ARAP2: variants seen among roughly 807,000 people sequenced by gnomAD.
The protein encoded by ARAP2 is ArfGAP with RhoGAP domain, ankyrin repeat and PH domain 2, also known as arf-GAP with Rho-GAP domain, ANK repeat and PH domain-containing protein 2.
Under a neutral mutation model 194.5 loss-of-function variants are expected in ARAP2, and 148 were observed. The ratio of observed to expected loss-of-function variants is 0.76; its 90% CI spans 0.67 to 0.87. The LOEUF (loss-of-function observed/expected upper bound fraction) is 0.87. Among genes scored for constraint, ARAP2 ranks in the 40% least tolerant of loss-of-function variants. The pLI, the probability that ARAP2 is intolerant of heterozygous loss-of-function variation, is 0.00. For synonymous variants in ARAP2, 695 were observed against 683.5 expected (o/e 1.02, Z -0.26); for missense variants, 2,128 against 1,989.7 (o/e 1.07, Z -1.32).
At chr4:36,220,218 T>C (rs1748841808) in intron 2 of ARAP2, among the ~76,000 whole-genome samples, 2 of 151,510 alleles carry the variant, frequency 1.3e-5, no homozygotes, top group Non-Finnish European at 2.9e-5. Context: ...GATTTTTACA[T>C]ATAGGCACAC....
downstream of ARAP2, among the ~76,000 whole-genome samples, chr4:36,062,356 G>C (rs1724583672): frequency 6.6e-6 from 1 of 152,104 alleles, no homozygotes; most frequent in Non-Finnish European, 1.5e-5. Context: ...TTAAAACCAG[G>C]TACTGTGAGT....
chr4:36,056,148 T>C (rs1206837585), intron 2 of ARAP2, among the ~76,000 whole-genome samples: 1 of 152,226 alleles, frequency 6.6e-6, no homozygotes, highest in Non-Finnish European at 1.5e-5. Context: ...ATTTTCAATA[T>C]AAAACTATAA....
chr4:36,169,852 G>T (rs1295133119), intron 9 of ARAP2, among the ~76,000 whole-genome samples: 1 of 152,242 alleles, frequency 6.6e-6, no homozygotes, highest in East Asian at 1.9e-4. Context: ...GCTTGCCATG[G>T]CCATATGGTT....
intron 5 of ARAP2, among the ~76,000 whole-genome samples, chr4:36,035,135 A>G (rs1339909994): frequency 6.6e-6 from 1 of 151,758 alleles, no homozygotes; most frequent in East Asian, 1.9e-4. Flanking sequence ...TTCTTTTTTT[A>G]ATAATAGTTT....
At chr4:36,127,174 C>A (rs532236441) in intron 21 of ARAP2, among the ~76,000 whole-genome samples, 102 of 152,098 alleles carry the variant, frequency 6.7e-4, no homozygotes, top group African/African-American at 2.4e-3. Context: ...ATAATAAAGA[C>A]AAATTATAAG....
chr4:36,103,624 T>A (rs13114450), intron 27 of ARAP2, among the ~76,000 whole-genome samples: 143,007 of 151,740 alleles, frequency 0.94, 67,462 homozygotes, highest in African/African-American at 0.98. Flanking sequence ...TTAGCTCTTT[T>A]TTACAATAAT....
At position 36,230,016 on chromosome 4, in the gene ARAP2, G is replaced by GT. The variant is rs202171670; in HGVS notation, c.-159-372dup. 3.9e-5 allele frequency among the ~76,000 whole-genome samples: 6 copies of GT among 152,240 alleles called. No individual in the cohort carries two copies. In the East Asian group the frequency reaches 7.7e-4, roughly 20 times the overall value. ...AGATGTATATAGTTCATCAGAAAGG[G>GT]TTTTTTTAAAGTATTAGAATAGGAT... On this transcript the variant is annotated intron_variant, in intron 1 of 32. Transcript: ENST00000303965.
chr4:36,022,582 G>A (rs1263347432), intron 5 of ARAP2, among the ~76,000 whole-genome samples: 1 of 152,070 alleles, frequency 6.6e-6, no homozygotes, highest in South Asian at 2.1e-4. Flanking sequence ...GAGGTTACAA[G>A]GCCATTGACT....
chr4:36,082,520 A>T (rs1729814863), intron 29 of ARAP2, among the ~76,000 whole-genome samples: 1 of 152,118 alleles, frequency 6.6e-6, no homozygotes, highest in African/African-American at 2.4e-5. Flanking sequence ...CAGAGAGGAG[A>T]TGTCTCTGAG....
At chr4:36,086,076 C>G (rs549606357) in intron 28 of ARAP2, among the ~76,000 whole-genome samples, 1 of 152,022 alleles carries the variant, frequency 6.6e-6, no homozygotes, top group Non-Finnish European at 1.5e-5. Context: ...TAGGTGACTC[C>G]TAGCCACCTG....
chr4:36,222,398 G>C (rs572982806), intron 2 of ARAP2, among the ~76,000 whole-genome samples: 2 of 152,088 alleles, frequency 1.3e-5, no homozygotes, highest in Non-Finnish European at 2.9e-5. Flanking sequence ...ATTTGTAATA[G>C]TTGAAAAGTG....
In ARAP2 at chr4:36,159,433, T is replaced by G. The variant is rs1181601613; in HGVS notation, c.2515A>C (p.Met839Leu). Residue 839 changes from methionine to leucine, a missense_variant, in exon 14 of 33, where the codon ATG (methionine) becomes CTG (leucine). Transcript: ENST00000303965. ...MALLFSGADV[M>L]CATGDPVHST... ...TGCACGGGGTCTCCGGTGGCACACA[T>G]GACATCTGCTCCACTGAACAGCAAA... 3.1e-6 allele frequency: 5 copies of G among 1,610,868 alleles called. No homozygotes were observed. In the African/African-American group the frequency reaches 5.3e-5, roughly 17 times the overall value.
Position 36,067,670 on chromosome 4 carries a change from T to C in ARAP2, c.*237A>G, listed in dbSNP as rs938521674. On this transcript the variant is annotated 3_prime_UTR_variant, in exon 33 of 33. Coordinates refer to ENST00000303965, the MANE Select transcript of ARAP2 (RefSeq NM_015230.4). ...CCACCTAAGTAACCCAATGTCTTCT[T>C]ACACACGTTAATACAATGGAACTTT... 1 of 378,398 alleles carries C rather than the reference T, an allele frequency of 2.6e-6. No homozygotes were observed. The highest frequency in any genetic ancestry group is 4.7e-6 in the Non-Finnish European group (1 of 212,838). 23.4% of individuals were successfully genotyped at this position (378,398 alleles called of 1,614,324 possible).
intron 11 of ARAP2, among the ~76,000 whole-genome samples, chr4:36,164,551 T>A (rs377690559): frequency 1.7e-3 from 265 of 152,306 alleles, no homozygotes; most frequent in African/African-American, 6.1e-3. Flanking sequence ...GTGAAAAATA[T>A]GTCTTACCAA....
rs183215051 is a variant in ARAP2, at chr4:36,113,910, T to C, written c.4156+260A>G. On this transcript the variant is annotated intron_variant, in intron 26 of 32. Coordinates refer to ENST00000303965, the MANE Select transcript of ARAP2 (RefSeq NM_015230.4). ...TGCCAAATCAAATCGCTTGTCCTTA[T>C]AAACAAAGGTCTTCTTTTCTGAGGC... Among the ~76,000 whole-genome samples, 39 of 152,146 alleles carry C rather than the reference T, an allele frequency of 2.6e-4. 1 individual carries two copies. Among genetic ancestry groups the C allele is most frequent in the Admixed American group, 2.6e-3 (39 of 15,252 alleles).
At chr4:36,163,314 G>A (rs1176809468) in intron 11 of ARAP2, among the ~76,000 whole-genome samples, 1 of 152,172 alleles carries the variant, frequency 6.6e-6, no homozygotes, top group African/African-American at 2.4e-5. Context: ...TGGAAGCTGA[G>A]AGAGGATGGA....
At chr4:36,107,789 T>A in intron 26 of ARAP2, 96 bp from the exon 27 acceptor site, 1 of 1,168,500 alleles carries the variant, frequency 8.6e-7, no homozygotes, top group Non-Finnish European at 1.2e-6. Flanking sequence ...TTTGAAAACA[T>A]CTGTAGGCAA....
intron 9 of ARAP2, among the ~76,000 whole-genome samples, chr4:36,172,344 G>A (rs993431530): frequency 5.3e-5 from 8 of 152,152 alleles, no homozygotes; most frequent in African/African-American, 1.9e-4. Flanking sequence ...TATGAAAATA[G>A]TCAGGTCTAC....
At chr4:36,190,278 G>T (rs889277179) in intron 7 of ARAP2, among the ~76,000 whole-genome samples, 7 of 152,072 alleles carry the variant, frequency 4.6e-5, no homozygotes, top group African/African-American at 1.7e-4. Context: ...CAGCAACCTG[G>T]ATTTTTCCTT....
Sources: allele counts gnomAD v4.1 joint callset (sites outside exome capture counted in the v4.1 genomes callset), GRCh38; gene constraint gnomAD v4.1.1; transcripts MANE v1.5; gene names NCBI Gene and HGNC (gene_info 2026-07-23, HGNC 2026-07-21).